RBFOX1: variants seen among roughly 807,000 people sequenced by gnomAD.
The protein encoded by RBFOX1 is RNA binding protein fox-1 homolog 1.
A neutral mutation model predicts 57.7 loss-of-function variants in RBFOX1; 8 were observed. The ratio of observed to expected loss-of-function variants is 0.14; its 90% CI spans 0.08 to 0.25. The LOEUF (loss-of-function observed/expected upper bound fraction) is 0.25. RBFOX1 is among the 10% of genes least tolerant of loss of function. RBFOX1 has a pLI of 1.00. For missense variants in RBFOX1, 611 were observed against 548.5 expected (o/e 1.11, Z -1.14); for synonymous variants, 326 against 222.4 (o/e 1.47, Z -4.15).
At chr16:6,151,396 C>T (rs2096796870) in intron 1 of RBFOX1, among the ~76,000 whole-genome samples, 2 of 152,178 alleles carry the variant, frequency 1.3e-5, no homozygotes, top group African/African-American at 4.8e-5. Context: ...AGCAATTCTG[C>T]TGCCTCAGCC....
At chr16:7,295,740 A>G (rs2095875921) in intron 4 of RBFOX1, among the ~76,000 whole-genome samples, 1 of 152,212 alleles carries the variant, frequency 6.6e-6, no homozygotes, top group East Asian at 1.9e-4. Context: ...TGAACCAGAA[A>G]GAGTTCCCAA....
At chr16:5,747,932 G>C (rs1457204316) in intron 3 of RBFOX1, among the ~76,000 whole-genome samples, 1 of 151,960 alleles carries the variant, frequency 6.6e-6, no homozygotes, top group Non-Finnish European at 1.5e-5. Flanking sequence ...GAATGTGTTT[G>C]CTCTTGCTTC....
chr16:7,005,919 C>G (rs1304035635), intron 3 of RBFOX1, among the ~76,000 whole-genome samples: 2 of 152,154 alleles, frequency 1.3e-5, no homozygotes, highest in African/African-American at 4.8e-5. Context: ...ATTGGTCTTT[C>G]TGACAGCATC....
At chr16:7,624,731 C>G (rs1358956883) in intron 10 of RBFOX1, among the ~76,000 whole-genome samples, 3 of 152,286 alleles carry the variant, frequency 2.0e-5, no homozygotes, top group East Asian at 1.9e-4. Context: ...GAGTAAGCTC[C>G]TTTCCTCGGC....
chr16:6,663,074 G>A (rs895177907), intron 3 of RBFOX1, among the ~76,000 whole-genome samples: 3 of 152,174 alleles, frequency 2.0e-5, no homozygotes, highest in African/African-American at 7.2e-5. Flanking sequence ...GTGCAGGAGG[G>A]AACCAGAAGT....
chr16:7,311,875 A>T (rs1044852979), intron 4 of RBFOX1, among the ~76,000 whole-genome samples: 1 of 152,234 alleles, frequency 6.6e-6, no homozygotes, highest in Non-Finnish European at 1.5e-5. Flanking sequence ...CTGAAGGCTT[A>T]ATCCCAACTC....
At chr16:6,176,733 G>A (rs1312432802) in intron 1 of RBFOX1, among the ~76,000 whole-genome samples, 3 of 149,706 alleles carry the variant, frequency 2.0e-5, no homozygotes, top group African/African-American at 7.4e-5. Context: ...ATATTGTATT[G>A]GTTACAAGCT....
rs928101802 is a variant in RBFOX1 at position 5,902,214 on chromosome 16, C to A, written c.351+34879C>A. ...ACCCTTACAACAGACCCATTAAGTACGAATTAATGTTCCCATTTTATAGAT... is the reference window on the plus strand; with the variant it reads ...ACCCTTACAACAGACCCATTAAGTAAGAATTAATGTTCCCATTTTATAGAT... On this transcript the variant is annotated intron_variant, in intron 4 of 19. Transcript: ENST00000641259. 3.9e-5 allele frequency among the ~76,000 whole-genome samples: 6 copies of A among 151,994 alleles called. No homozygotes were observed. The East Asian group carries it at 9.7e-4, about 24-fold the overall frequency.
chr16:7,395,134 C>T (rs903832356), intron 4 of RBFOX1, among the ~76,000 whole-genome samples: 2 of 151,670 alleles, frequency 1.3e-5, no homozygotes, highest in Non-Finnish European at 2.9e-5. Flanking sequence ...CTAAGAACTG[C>T]TGACTACAGC....
At chr16:7,413,003 C>T (rs572903440) in intron 4 of RBFOX1, among the ~76,000 whole-genome samples, 5 of 152,146 alleles carry the variant, frequency 3.3e-5, no homozygotes, top group African/African-American at 1.2e-4. Flanking sequence ...GATCACGCCA[C>T]TGCACTCCAG....
At chr16:7,454,033 G>T (rs1177771340) in intron 4 of RBFOX1, among the ~76,000 whole-genome samples, 1 of 152,202 alleles carries the variant, frequency 6.6e-6, no homozygotes, top group Non-Finnish European at 1.5e-5. Flanking sequence ...AGGAGTTCCA[G>T]ACCAGCCTCA....
intron 4 of RBFOX1, among the ~76,000 whole-genome samples, chr16:7,298,110 C>T (rs917676115): frequency 1.3e-5 from 2 of 152,106 alleles, no homozygotes; most frequent in African/African-American, 4.8e-5. Context: ...CAAGGAAAGA[C>T]ACTCAGATGC....
intron 2 of RBFOX1, among the ~76,000 whole-genome samples, chr16:6,384,129 G>A (rs1028222008): frequency 2.0e-5 from 3 of 147,710 alleles, no homozygotes; most frequent in African/African-American, 5.0e-5. Flanking sequence ...ATTCATTGGC[G>A]CTTGGTTGAA....
chr16:5,302,552 G>C (rs759964037), intron 1 of RBFOX1, among the ~76,000 whole-genome samples: 5 of 151,984 alleles, frequency 3.3e-5, no homozygotes, highest in Non-Finnish European at 5.9e-5. Context: ...CTTAAAGTAC[G>C]GTCAATGAAT....
At chr16:6,146,261 G>T (rs764888189) in intron 1 of RBFOX1, among the ~76,000 whole-genome samples, 3 of 152,148 alleles carry the variant, frequency 2.0e-5, no homozygotes, top group Non-Finnish European at 4.4e-5. Context: ...ACAGCAGATA[G>T]GAATCCACGC....
At chr16:5,641,184 A>G (rs1483924187) in intron 3 of RBFOX1, among the ~76,000 whole-genome samples, 1 of 151,920 alleles carries the variant, frequency 6.6e-6, no homozygotes, top group Non-Finnish European at 1.5e-5. Flanking sequence ...CCATGGATAC[A>G]CACAGGCACA....
chr16:7,456,455 AAC>A (rs2150370437), intron 4 of RBFOX1, among the ~76,000 whole-genome samples: 1 of 152,350 alleles, frequency 6.6e-6, no homozygotes, highest in African/African-American at 2.4e-5. Context: ...AAAAGCTGTA[AAC>A]ACAAGACAGG....
intron 3 of RBFOX1, among the ~76,000 whole-genome samples, chr16:6,823,259 T>A (rs1329903946): frequency 6.6e-6 from 1 of 151,852 alleles, no homozygotes; most frequent in African/African-American, 2.4e-5. Context: ...TCTTTTTTTT[T>A]TTTCTTTTTT....
Position 5,578,139 on chromosome 16 carries a change from A to T in RBFOX1, c.259-20763A>T, listed in dbSNP as rs139433082. On this transcript the variant is annotated intron_variant, in intron 2 of 2. Coordinates refer to the RBFOX1 transcript ENST00000585867. ...GCTAATTTTTGTAATTTTAGTAGCG[A>T]CAGGGTTTCAGCATGTTGGCCATGA... Among the ~76,000 whole-genome samples the T allele has an allele frequency of 7.5e-3, 1,147 of 152,158 alleles. 6 individuals are homozygous for T. The highest frequency in any genetic ancestry group is 0.037 in the Middle Eastern group (11 of 294).
Sources: allele counts gnomAD v4.1 joint callset (sites outside exome capture counted in the v4.1 genomes callset), GRCh38; gene constraint gnomAD v4.1.1; transcripts MANE v1.5; gene names NCBI Gene and HGNC (gene_info 2026-07-23, HGNC 2026-07-21).